MGMT: variants seen among roughly 807,000 people sequenced by gnomAD.
MGMT encodes the protein methylated-DNA--protein-cysteine methyltransferase.
Under a neutral mutation model 15.9 loss-of-function variants are expected in MGMT, and 14 were observed. That is an observed-to-expected ratio of 0.88 (90% CI 0.58 to 1.37). MGMT has a LOEUF of 1.37. MGMT is among the 40% of genes most tolerant of loss of function. The pLI, the probability that MGMT is intolerant of heterozygous loss-of-function variation, is 0.00. For synonymous variants in MGMT, 130 were observed against 118.2 expected (o/e 1.10, Z -0.65); for missense variants, 282 against 268.1 (o/e 1.05, Z -0.36).
chr10:129,527,196 T>C (rs1214932355), intron 1 of MGMT, among the ~76,000 whole-genome samples: 1 of 152,234 alleles, frequency 6.6e-6, no homozygotes, highest in Admixed American at 6.5e-5. Context: ...CAGACAGCAC[T>C]GAGTCCACTG....
At chr10:129,567,890 C>T (rs551853729) in intron 2 of MGMT, among the ~76,000 whole-genome samples, 1 of 152,274 alleles carries the variant, frequency 6.6e-6, no homozygotes, top group Non-Finnish European at 1.5e-5. Flanking sequence ...CCGCAACAAA[C>T]ATCTGTCATT....
chr10:129,678,411 T>C (rs938075931), intron 2 of MGMT, among the ~76,000 whole-genome samples: 7 of 151,112 alleles, frequency 4.6e-5, no homozygotes, highest in African/African-American at 1.5e-4. Context: ...CTGGTGCAGA[T>C]TGGAGGGCTG....
At chr10:129,695,045 AAG>A (rs1482624829) in intron 2 of MGMT, among the ~76,000 whole-genome samples, 1 of 152,328 alleles carries the variant, frequency 6.6e-6, no homozygotes, top group East Asian at 1.9e-4. Flanking sequence ...AGCGTGTTTT[AAG>A]AGTTTCAATT....
At chr10:129,716,643 A>C (rs1447057837) in intron 3 of MGMT, among the ~76,000 whole-genome samples, 2 of 152,186 alleles carry the variant, frequency 1.3e-5, no homozygotes, top group Non-Finnish European at 2.9e-5. Context: ...TTCAGAATAA[A>C]ATATGCAAGA....
chr10:129,611,877 AG>A (rs1013426262), intron 2 of MGMT, among the ~76,000 whole-genome samples: 17 of 152,308 alleles, frequency 1.1e-4, no homozygotes, highest in African/African-American at 4.1e-4. Context: ...CCAGAATTTC[AG>A]TTGTCAATGG....
At chr10:129,645,719 T>C (rs1245495713) in intron 2 of MGMT, among the ~76,000 whole-genome samples, 1 of 152,330 alleles carries the variant, frequency 6.6e-6, no homozygotes, top group East Asian at 1.9e-4. Context: ...TGCCACTTCT[T>C]GTGGACACGT....
At chr10:129,623,988 T>C (rs1209551039) in intron 2 of MGMT, among the ~76,000 whole-genome samples, 1 of 152,240 alleles carries the variant, frequency 6.6e-6, no homozygotes, top group African/African-American at 2.4e-5. Context: ...CTCTCCCTGC[T>C]AGCCCCGTGC....
At chr10:129,756,048 A>G (rs1285075633) in intron 3 of MGMT, among the ~76,000 whole-genome samples, 1 of 152,182 alleles carries the variant, frequency 6.6e-6, no homozygotes, top group Admixed American at 6.5e-5. Flanking sequence ...AGTGTCTGTG[A>G]CACAAAACGA....
intron 3 of MGMT, among the ~76,000 whole-genome samples, chr10:129,713,189 G>A (rs143713709): frequency 6.7e-4 from 102 of 152,264 alleles, no homozygotes; most frequent in African/African-American, 2.3e-3. Flanking sequence ...GGTGGCCACC[G>A]CTGTTCCCCT....
intron 2 of MGMT, among the ~76,000 whole-genome samples, chr10:129,611,507 A>G (rs1177438342): frequency 1.3e-5 from 2 of 152,212 alleles, no homozygotes; most frequent in East Asian, 1.9e-4. Context: ...ACAAGTCAAC[A>G]TGCAGTTTGG....
At chr10:129,545,428 C>T (rs905985092) in intron 2 of MGMT, among the ~76,000 whole-genome samples, 6 of 152,158 alleles carry the variant, frequency 3.9e-5, no homozygotes, top group African/African-American at 1.2e-4. Flanking sequence ...GATTTGTCCT[C>T]GTGATATCAC....
chr10:129,720,339 G>A (rs1309777513), intron 3 of MGMT, among the ~76,000 whole-genome samples: 2 of 152,236 alleles, frequency 1.3e-5, no homozygotes, highest in African/African-American at 4.8e-5. Context: ...AAGAGGGTAA[G>A]CATGATTGGA....
intron 1 of MGMT, among the ~76,000 whole-genome samples, chr10:129,469,827 C>T (rs1845210562): frequency 6.6e-6 from 1 of 152,156 alleles, no homozygotes; most frequent in African/African-American, 2.4e-5. Context: ...CTGCTTTGAC[C>T]TCCCAAGTAC....
intron 2 of MGMT, among the ~76,000 whole-genome samples, chr10:129,587,920 C>T (rs1251484835): frequency 6.6e-6 from 1 of 151,966 alleles, no homozygotes; most frequent in East Asian, 1.9e-4. Context: ...GCTTTATATG[C>T]AAATGTTACC....
chr10:129,495,104 T>C (rs1047065554), intron 1 of MGMT, among the ~76,000 whole-genome samples: 15 of 152,256 alleles, frequency 9.9e-5, no homozygotes, highest in Non-Finnish European at 5.9e-5. Context: ...TCTGCAATGT[T>C]CCGTTAAACC....
intron 3 of MGMT, among the ~76,000 whole-genome samples, chr10:129,720,917 C>T (rs1848362500): frequency 6.7e-6 from 1 of 149,488 alleles, no homozygotes; most frequent in South Asian, 2.1e-4. Context: ...CTTCCCTCTT[C>T]TGTTGTAAAT....
At chr10:129,543,825 G>T (rs1422820084) in intron 2 of MGMT, among the ~76,000 whole-genome samples, 5 of 152,210 alleles carry the variant, frequency 3.3e-5, no homozygotes, top group African/African-American at 1.2e-4. Context: ...TTTTAAGTCT[G>T]CCAGGAACTT....
intron 3 of MGMT, among the ~76,000 whole-genome samples, chr10:129,719,124 C>T (rs984622736): frequency 1.3e-5 from 2 of 151,258 alleles, no homozygotes; most frequent in African/African-American, 4.9e-5. Context: ...TCAGGCATGT[C>T]ACCTTCCCGA....
intron 2 of MGMT, among the ~76,000 whole-genome samples, chr10:129,646,791 T>A (rs1847400491): frequency 7.1e-6 from 1 of 141,352 alleles, no homozygotes; most frequent in Admixed American, 7.3e-5. Flanking sequence ...GAGAAGTAGA[T>A]GCTTGTCAGG....
Sources: allele counts gnomAD v4.1 joint callset (sites outside exome capture counted in the v4.1 genomes callset), GRCh38; gene constraint gnomAD v4.1.1; transcripts MANE v1.5; gene names NCBI Gene and HGNC (gene_info 2026-07-23, HGNC 2026-07-21).